PID1: variants seen among roughly 807,000 people sequenced by gnomAD.
PID1 encodes phosphotyrosine interaction domain containing 1.
In PID1, 10 loss-of-function variants were observed where a neutral mutation model predicts 19.1. That is an observed-to-expected ratio of 0.52 (90% CI 0.32 to 0.89). PID1 has a LOEUF of 0.89. Ranked by LOEUF, PID1 falls within the 40% of genes least tolerant of loss-of-function variation. PID1 has a pLI of 0.03. For synonymous variants in PID1, 130 were observed against 116.0 expected (o/e 1.12, Z -0.78); for missense variants, 248 against 285.3 (o/e 0.87, Z 0.94).
intron 1 of PID1, among the ~76,000 whole-genome samples, chr2:229,177,912 A>T (rs1690858673): frequency 6.6e-6 from 1 of 152,164 alleles, no homozygotes; most frequent in African/African-American, 2.4e-5. Flanking sequence ...AGGCTCAATA[A>T]CTGAGCCCAC....
intron 2 of PID1, among the ~76,000 whole-genome samples, chr2:229,147,292 G>C (rs919085448): frequency 3.9e-5 from 6 of 151,986 alleles, no homozygotes; most frequent in Non-Finnish European, 5.9e-5. Flanking sequence ...AAATTTTCCA[G>C]ACAAACTTTT....
chr2:229,046,387 T>TGTGTGC (rs1333416890), intron 2 of PID1, among the ~76,000 whole-genome samples: 7 of 145,650 alleles, frequency 4.8e-5, no homozygotes, highest in African/African-American at 1.8e-4. Flanking sequence ...TGTGCGTGTG[T>TGTGTGC]GTGTGTGTGT....
intron 2 of PID1, among the ~76,000 whole-genome samples, chr2:229,094,328 TG>T (rs1294609354): frequency 2.0e-5 from 3 of 152,150 alleles, no homozygotes; most frequent in South Asian, 2.1e-4. Context: ...CCCATGGCCA[TG>T]GATTAGAAGA....
chr2:229,133,410 G>C (rs553448359), intron 2 of PID1, among the ~76,000 whole-genome samples: 4 of 152,108 alleles, frequency 2.6e-5, no homozygotes, highest in Non-Finnish European at 5.9e-5. Context: ...GTCCTCCTAC[G>C]GCAATCACCT....
intron 2 of PID1, among the ~76,000 whole-genome samples, chr2:229,092,795 A>C (rs1694901114): frequency 6.6e-6 from 1 of 152,204 alleles, no homozygotes; most frequent in South Asian, 2.1e-4. Context: ...TACACTGCCC[A>C]TGACACCATT....
At chr2:229,261,022 C>T (rs971706297) in intron 1 of PID1, among the ~76,000 whole-genome samples, 2 of 152,054 alleles carry the variant, frequency 1.3e-5, no homozygotes, top group African/African-American at 4.8e-5. Context: ...CCCAATATGA[C>T]TGGTTTTCTT....
intron 1 of PID1, among the ~76,000 whole-genome samples, chr2:229,210,318 G>A (rs1005567555): frequency 4.0e-5 from 6 of 151,430 alleles, no homozygotes; most frequent in African/African-American, 1.2e-4. Flanking sequence ...CGAGACCATC[G>A]TGGCTAACAC....
At chr2:229,158,477 G>A (rs1690426942) in intron 1 of PID1, among the ~76,000 whole-genome samples, 1 of 152,066 alleles carries the variant, frequency 6.6e-6, no homozygotes, top group Non-Finnish European at 1.5e-5. Context: ...CACCATAGGA[G>A]CAGAAACTAT....
At chr2:229,138,425 C>T (rs372240274) in intron 2 of PID1, among the ~76,000 whole-genome samples, 3 of 152,048 alleles carry the variant, frequency 2.0e-5, no homozygotes, top group South Asian at 4.2e-4. Flanking sequence ...GAAGTCCCTG[C>T]GTTCCCTCTA....
chr2:229,234,367 C>G (rs1261122085), intron 1 of PID1, among the ~76,000 whole-genome samples: 1 of 152,074 alleles, frequency 6.6e-6, no homozygotes, highest in Non-Finnish European at 1.5e-5. Flanking sequence ...GGGAAGAAGA[C>G]AAGTCAGTCT....
intron 1 of PID1, among the ~76,000 whole-genome samples, chr2:229,163,485 C>T (rs1690529779): frequency 7.1e-6 from 1 of 141,728 alleles, no homozygotes; most frequent in Admixed American, 7.8e-5. Context: ...ATTCATGCAG[C>T]TTTGATCATG....
At chr2:229,210,375 T>C (rs62191688) in intron 1 of PID1, among the ~76,000 whole-genome samples, 66,232 of 150,426 alleles carry the variant, frequency 0.44, 15,891 homozygotes, top group East Asian at 0.76. Context: ...TAGCTGGGCA[T>C]GGTGGCAGGC....
intron 2 of PID1, among the ~76,000 whole-genome samples, chr2:229,065,929 C>T (rs180727061): frequency 4.1e-4 from 63 of 152,096 alleles, no homozygotes; most frequent in African/African-American, 1.5e-3. Flanking sequence ...TAAACATAGA[C>T]CCCCAAGTAA....
chr2:229,031,829 A>G (rs2106165950), intron 2 of PID1, among the ~76,000 whole-genome samples: 1 of 152,322 alleles, frequency 6.6e-6, no homozygotes, highest in South Asian at 2.1e-4. Context: ...TTGCTCTAGG[A>G]AGTCAATTAC....
At chr2:229,216,844 T>G (rs900155246) in intron 1 of PID1, among the ~76,000 whole-genome samples, 16 of 152,102 alleles carry the variant, frequency 1.1e-4, no homozygotes, top group African/African-American at 3.6e-4. Context: ...AATTCTCTCC[T>G]GAAAAAGGCA....
intron 2 of PID1, among the ~76,000 whole-genome samples, chr2:229,139,027 GAAAGAAAGAA>G (rs1689926997): frequency 1.3e-5 from 1 of 79,368 alleles, no homozygotes; most frequent in African/African-American, 4.7e-5. Flanking sequence ...AAGAAAGAAA[GAAAGAAAGAA>G]AGAGAAAGAA....
intron 1 of PID1, among the ~76,000 whole-genome samples, chr2:229,171,276 T>G (rs952910758): frequency 1.3e-5 from 2 of 152,220 alleles, no homozygotes; most frequent in African/African-American, 2.4e-5. Flanking sequence ...AAAATAATTT[T>G]ATTCCAGGGC....
intron 2 of PID1, among the ~76,000 whole-genome samples, chr2:229,052,740 T>C (rs1230157924): frequency 6.6e-6 from 1 of 152,106 alleles, no homozygotes; most frequent in Non-Finnish European, 1.5e-5. Flanking sequence ...TGAAAACTAC[T>C]GGAGGCAACT....
At chr2:229,026,773 G>T in intron 2 of PID1, among the ~76,000 whole-genome samples, 1 of 152,144 alleles carries the variant, frequency 6.6e-6, no homozygotes, top group East Asian at 1.9e-4. Context: ...ATAAATGAAA[G>T]ATCTACAGAA....
Sources: allele counts gnomAD v4.1 joint callset (sites outside exome capture counted in the v4.1 genomes callset), GRCh38; gene constraint gnomAD v4.1.1; transcripts MANE v1.5; gene names NCBI Gene and HGNC (gene_info 2026-07-23, HGNC 2026-07-21).